Variants in TSPAN11 observed in about 807,000 individuals in gnomAD.
The protein encoded by TSPAN11 is tetraspanin-11.
A neutral mutation model predicts 32.9 loss-of-function variants in TSPAN11; 29 were observed. The observed-to-expected ratio is 0.88, with a 90% CI of 0.66 to 1.20. The LOEUF (loss-of-function observed/expected upper bound fraction) is 1.20, where lower values mean the gene tolerates loss of function less well. Among genes scored for constraint, TSPAN11 ranks in the 50% most tolerant of loss-of-function variants. The probability of loss-of-function intolerance (pLI) is 0.00; values close to 1 mark genes in which losing one functional copy is unlikely to be tolerated. For synonymous variants in TSPAN11, 140 were observed against 141.3 expected (o/e 0.99, Z 0.07); for missense variants, 283 against 329.1 (o/e 0.86, Z 1.08).
At chr12:30,953,960 G>C (rs1427488802) in intron 1 of TSPAN11, 21 bp from the exon 2 acceptor site, 1 of 1,589,746 alleles carries the variant, frequency 6.3e-7, no homozygotes, top group Admixed American at 1.7e-5. Flanking sequence ...CCCCGGCCCA[G>C]CATATGTGTC....
At position 30,934,645 on chromosome 12, in the gene TSPAN11, T is replaced by G. The variant is rs144462592; in HGVS notation, c.-12+7849T>G. 4.5e-3 allele frequency among the ~76,000 whole-genome samples: 684 copies of G among 151,444 alleles called. 4 individuals carry two copies. The highest frequency in any genetic ancestry group is 7.5e-3 in the Non-Finnish European group (509 of 67,980). Reference sequence around the variant, plus strand: ...AAATATTATGAGATTTTTTTTTTTTTTTGCAATTTTTTTCTTTTAGCTCGT... The same window carrying G: ...AAATATTATGAGATTTTTTTTTTTTGTTGCAATTTTTTTCTTTTAGCTCGT... On this transcript the variant is annotated intron_variant, in intron 1 of 7. Coordinates refer to ENST00000546076, the MANE Select transcript of TSPAN11 (RefSeq NM_001370302.1).
intron 1 of TSPAN11, among the ~76,000 whole-genome samples, chr12:30,940,613 G>T (rs1249716145): frequency 2.6e-5 from 4 of 152,192 alleles, no homozygotes; most frequent in Admixed American, 6.5e-5. Context: ...TAGAAGCACT[G>T]CTCATAATTA....
intron 1 of TSPAN11, among the ~76,000 whole-genome samples, chr12:30,943,043 G>A (rs561218419): frequency 6.6e-6 from 1 of 152,314 alleles, no homozygotes; most frequent in South Asian, 2.1e-4. Flanking sequence ...GGACCAGGGA[G>A]AAGGTGTGAT....
chr12:30,966,730 T>C (rs1938741490), intron 3 of TSPAN11, among the ~76,000 whole-genome samples: 1 of 152,208 alleles, frequency 6.6e-6, no homozygotes, highest in South Asian at 2.1e-4. Context: ...GAGGTCTTCA[T>C]GGAGCAGTGG....
chr12:30,963,508 C>G (rs950587294), intron 2 of TSPAN11, among the ~76,000 whole-genome samples: 1 of 152,164 alleles, frequency 6.6e-6, no homozygotes. Context: ...GACTCAGATA[C>G]GTTGATCATC....
chr12:30,981,516 T>C (rs1939092125), intron 5 of TSPAN11, among the ~76,000 whole-genome samples: 1 of 151,982 alleles, frequency 6.6e-6, no homozygotes, highest in Admixed American at 6.5e-5. Flanking sequence ...TCACGTGGAA[T>C]GTGCAGTTCC....
intron 5 of TSPAN11, 97 bp downstream of exon 5, chr12:30,979,767 C>A: frequency 1.6e-6 from 2 of 1,214,330 alleles, no homozygotes; most frequent in Non-Finnish European, 2.4e-6. Flanking sequence ...AAGTTACTTA[C>A]CCTCTCTGAG....
the TSPAN11 span, among the ~76,000 whole-genome samples, chr12:31,002,382 G>A: frequency 1.3e-5 from 2 of 152,138 alleles, no homozygotes; most frequent in African/African-American, 2.4e-5. The surrounding 1 kb of genome is among the most constrained non-coding windows in gnomAD (Gnocchi z 4.8). Context: ...CCTCCTCTCC[G>A]GGGACATAGG....
rs56708276 is a variant in TSPAN11 at position 30,935,052 on chromosome 12, C to G, written c.-12+8256C>G. On this transcript the variant is annotated intron_variant, in intron 1 of 7. Coordinates refer to ENST00000546076, the MANE Select transcript of TSPAN11 (RefSeq NM_001370302.1). ...TGGTCATCATGGGAAGCAAGGACTT[C>G]CTCAGCCCCTGCCCCTCTCCTGTGA... Among the ~76,000 whole-genome samples, 1,028 of 152,228 alleles carry G rather than the reference C, an allele frequency of 6.8e-3. 11 individuals carry two copies. The highest frequency in any genetic ancestry group is 0.024 in the African/African-American group (987 of 41,536).
rs1938518226 is a variant in TSPAN11 at position 30,957,729 on chromosome 12, CTCCTTCCCTCCCTCCCTCCCTCCT to C, written c.84+3662_84+3685del. Among the ~76,000 whole-genome samples, 167 of 52,522 alleles carry C rather than the reference CTCCTTCCCTCCCTCCCTCCCTCCT, an allele frequency of 3.2e-3. 27 individuals carry two copies. Among genetic ancestry groups the C allele is most frequent in the East Asian group, 0.018 (22 of 1,212 alleles). The allele number at this position is 52,522 out of a possible 152,430, so 34.5% of individuals were successfully genotyped here. A position where few individuals can be genotyped will look rare whatever the true frequency, so the allele number is the denominator to read the frequency against. ...CCTCCTTCCTTCCTTCCTTCCTTCC[CTCCTTCCCTCCCTCCCTCCCTCCT>C]TCCTTCCTTCCTTCCTTCCTTCCCT... On this transcript the variant is annotated intron_variant, in intron 2 of 7. Transcript: ENST00000546076.
chr12:31,013,716 T>G, the TSPAN11 span, among the ~76,000 whole-genome samples: 1 of 152,156 alleles, frequency 6.6e-6, no homozygotes, highest in African/African-American at 2.4e-5. Flanking sequence ...CAGTCATCCT[T>G]GAGGAAGTAC....
At chr12:30,964,370 A>C in intron 3 of TSPAN11, among the ~76,000 whole-genome samples, 2 of 144,534 alleles carry the variant, frequency 1.4e-5, no homozygotes, top group East Asian at 2.0e-4. Flanking sequence ...CCTCCTCCTT[A>C]TCCCGTTTCC....
chr12:30,998,538 G>A (rs1283920020), downstream of TSPAN11, among the ~76,000 whole-genome samples: 4 of 152,240 alleles, frequency 2.6e-5, no homozygotes, highest in African/African-American at 7.2e-5. Flanking sequence ...TCAGTCTCTA[G>A]CTGAAACCCT....
chr12:30,940,728 G>A (rs1371885107), intron 1 of TSPAN11, among the ~76,000 whole-genome samples: 1 of 152,150 alleles, frequency 6.6e-6, no homozygotes, highest in East Asian at 1.9e-4. Context: ...GGGGTTGTGA[G>A]GATTAAAAGA....
chr12:30,967,181 A>G (rs1938750610), intron 3 of TSPAN11, among the ~76,000 whole-genome samples: 1 of 152,198 alleles, frequency 6.6e-6, no homozygotes, highest in South Asian at 2.1e-4. Context: ...ACTTCCTCTT[A>G]CACCATCTGT....
chr12:30,955,117 A>C (rs998304920), intron 2 of TSPAN11: 2 of 152,250 alleles, frequency 1.3e-5, no homozygotes, highest in Admixed American at 6.5e-5. Context: ...ATGGGTAGAC[A>C]TGGCAAGGCA....
chr12:30,974,225 A>G (rs7971358), intron 3 of TSPAN11, among the ~76,000 whole-genome samples: 48,555 of 152,196 alleles, frequency 0.32, 9,526 homozygotes, highest in African/African-American at 0.56. Flanking sequence ...ATAGGGACAC[A>G]TACGCAAATC....
chr12:30,978,863 C>T (rs2075323), intron 4 of TSPAN11: 17,212 of 541,974 alleles, frequency 0.032, 534 homozygotes, highest in East Asian at 0.15. Context: ...GAGCTGGGGA[C>T]GGGGGCTTCC....
At chr12:30,941,105 G>C (rs1235693836) in intron 1 of TSPAN11, among the ~76,000 whole-genome samples, 1 of 152,216 alleles carries the variant, frequency 6.6e-6, no homozygotes, top group African/African-American at 2.4e-5. Flanking sequence ...TCCTTGAACA[G>C]CATGTGTTTA....
Sources: allele counts gnomAD v4.1 joint callset (sites outside exome capture counted in the v4.1 genomes callset), GRCh38; gene constraint gnomAD v4.1.1; non-coding constraint Gnocchi (gnomAD v3.1); transcripts MANE v1.5; gene names NCBI Gene and HGNC (gene_info 2026-07-23, HGNC 2026-07-21).